PDE9A: variants seen among roughly 807,000 people sequenced by gnomAD.
PDE9A encodes phosphodiesterase 9A, also known as high affinity cGMP-specific 3',5'-cyclic phosphodiesterase 9A.
In PDE9A, 60 loss-of-function variants were observed where a neutral mutation model predicts 87.4. That is an observed-to-expected ratio of 0.69 (90% CI 0.56 to 0.85). The LOEUF (loss-of-function observed/expected upper bound fraction) is 0.85, where lower values mean the gene tolerates loss of function less well. Ranked by LOEUF, PDE9A falls within the 40% of genes least tolerant of loss-of-function variation. The pLI is 0.00. For synonymous variants in PDE9A, 272 were observed against 279.4 expected (o/e 0.97, Z 0.27); for missense variants, 665 against 779.0 (o/e 0.85, Z 1.74).
In PDE9A at chr21:42,759,475, TG is replaced by T. The variant is rs1159620558; in HGVS notation, c.897+395del. On this transcript the variant is annotated intron_variant, in intron 11 of 19. Transcript: ENST00000291539. The surrounding 1 kb of genome is among the most constrained non-coding windows in gnomAD (Gnocchi z 7.2). ...TGAGTGTGGGGTGTGGATGTGAGCATGGGGGTGTCTGCATGTGTTTGTGAGT... is the reference window on the plus strand; with the variant it reads ...TGAGTGTGGGGTGTGGATGTGAGCATGGGGTGTCTGCATGTGTTTGTGAGT... 7.0e-6 allele frequency among the ~76,000 whole-genome samples: 1 copy of T among 142,364 alleles called. No homozygotes were observed. Among genetic ancestry groups the T allele is most frequent in the Non-Finnish European group, 1.5e-5 (1 of 65,508 alleles). 93.4% of individuals were successfully genotyped at this position (142,364 alleles called of 152,430 possible).
intron 4 of PDE9A, among the ~76,000 whole-genome samples, chr21:42,699,551 T>C (rs2060328779): frequency 8.7e-6 from 1 of 114,672 alleles, no homozygotes; most frequent in Non-Finnish European, 1.8e-5. Flanking sequence ...CCTTTTTCTT[T>C]TTCTTTTTTT....
At chr21:42,728,218 A>G (rs973014025) in intron 4 of PDE9A, among the ~76,000 whole-genome samples, 3 of 152,228 alleles carry the variant, frequency 2.0e-5, no homozygotes, top group African/African-American at 7.2e-5. Context: ...TGCAAATACT[A>G]TACCATCTTA....
At chr21:42,670,076 T>C (rs1359042833) in intron 1 of PDE9A, among the ~76,000 whole-genome samples, 1 of 151,464 alleles carries the variant, frequency 6.6e-6, no homozygotes, top group Non-Finnish European at 1.5e-5. Flanking sequence ...CACACTCACA[T>C]ACTTACACAC....
At chr21:42,751,549 T>A (rs2054424781) in intron 9 of PDE9A, among the ~76,000 whole-genome samples, 1 of 152,228 alleles carries the variant, frequency 6.6e-6, no homozygotes, top group Non-Finnish European at 1.5e-5. Flanking sequence ...CATTGGCCCT[T>A]GTCTCTGAGC....
intron 1 of PDE9A, among the ~76,000 whole-genome samples, chr21:42,662,378 A>G (rs2057570218): frequency 6.6e-6 from 1 of 152,020 alleles, no homozygotes; most frequent in East Asian, 1.9e-4. Flanking sequence ...TCCTCACCGA[A>G]GGAAGGGGCA....
At chr21:42,724,557 A>C (rs2050846349) in intron 4 of PDE9A, 1 of 984,796 alleles carries the variant, frequency 1.0e-6, no homozygotes, top group Non-Finnish European at 1.2e-6. Flanking sequence ...TTCCCCCAGC[A>C]AAAGAATGCA....
chr21:42,775,043 G>A (rs2057385939), intron 19 of PDE9A, among the ~76,000 whole-genome samples: 1 of 149,168 alleles, frequency 6.7e-6, no homozygotes, highest in African/African-American at 2.5e-5. Flanking sequence ...CCGGGTTCAA[G>A]CAATTCTCCT....
intron 1 of PDE9A, among the ~76,000 whole-genome samples, chr21:42,683,340 C>A (rs1019105003): frequency 1.3e-5 from 2 of 152,234 alleles, no homozygotes; most frequent in African/African-American, 4.8e-5. Flanking sequence ...GTGCTTACTG[C>A]GGTCCTTTTC....
At chr21:42,755,934 C>A (rs1312502130) in intron 10 of PDE9A, among the ~76,000 whole-genome samples, 1 of 152,246 alleles carries the variant, frequency 6.6e-6, no homozygotes, top group African/African-American at 2.4e-5. Flanking sequence ...ACCAGGGAAC[C>A]CTTTGAGCAC....
intron 4 of PDE9A, among the ~76,000 whole-genome samples, chr21:42,730,799 T>C (rs1194728063): frequency 6.6e-6 from 1 of 152,250 alleles, no homozygotes; most frequent in Non-Finnish European, 1.5e-5. Context: ...GTTTTCTCTG[T>C]GTTAAATAAC....
intron 1 of PDE9A, among the ~76,000 whole-genome samples, chr21:42,669,961 A>G (rs1478371192): frequency 6.6e-6 from 1 of 152,166 alleles, no homozygotes; most frequent in Non-Finnish European, 1.5e-5. Context: ...ATCACCTTCA[A>G]GGTGTGCTTT....
intron 1 of PDE9A, among the ~76,000 whole-genome samples, chr21:42,668,511 G>A (rs1199209850): frequency 1.3e-5 from 2 of 152,224 alleles, no homozygotes; most frequent in African/African-American, 4.8e-5. Context: ...TGCCCCGTGA[G>A]AGTCCTGTGT....
chr21:42,754,909 C>A (rs937205340), intron 10 of PDE9A, among the ~76,000 whole-genome samples: 3 of 152,080 alleles, frequency 2.0e-5, no homozygotes, highest in African/African-American at 7.2e-5. Flanking sequence ...TCAGGTATGT[C>A]TTTATTAACA....
chr21:42,714,086 T>C (rs1044400085), intron 4 of PDE9A, among the ~76,000 whole-genome samples: 1 of 146,598 alleles, frequency 6.8e-6, no homozygotes, highest in African/African-American at 2.5e-5. Context: ...TGGTGCAATC[T>C]TGGCTCACTG....
intron 7 of PDE9A, among the ~76,000 whole-genome samples, chr21:42,742,750 C>T (rs1395817433): frequency 1.3e-5 from 2 of 152,110 alleles, no homozygotes; most frequent in Non-Finnish European, 2.9e-5. Context: ...CAGGCGTGAG[C>T]CACTGTGCCT....
chr21:42,686,297 C>T lies in PDE9A; in HGVS notation c.140+35C>T, dbSNP rs760848676. On this transcript the variant is annotated intron_variant, in intron 2 of 19. Coordinates refer to ENST00000291539, the MANE Select transcript of PDE9A (RefSeq NM_002606.3). Reference sequence around the variant, plus strand: ...CGCTGCGGGCTCTGCCCGGTGACGCCACGCGGCCTCCTCGCCTTTTCGGGA... The same window carrying T: ...CGCTGCGGGCTCTGCCCGGTGACGCTACGCGGCCTCCTCGCCTTTTCGGGA... 6 of 1,576,246 alleles carry T rather than the reference C, an allele frequency of 3.8e-6. No homozygotes were observed. The South Asian group carries it at 6.6e-5, about 17-fold the overall frequency.
At chr21:42,719,372 C>T (rs916781704) in intron 4 of PDE9A, among the ~76,000 whole-genome samples, 1 of 151,796 alleles carries the variant, frequency 6.6e-6, no homozygotes, top group Non-Finnish European at 1.5e-5. Context: ...CAGTGGCTCA[C>T]ACCTGACATC....
chr21:42,664,012 A>G (rs1601892574), intron 1 of PDE9A, among the ~76,000 whole-genome samples: 1 of 152,200 alleles, frequency 6.6e-6, no homozygotes, highest in East Asian at 1.9e-4. Flanking sequence ...ATGTGTCCTC[A>G]GACAATGGAT....
chr21:42,769,619 C>G (rs1474400602), intron 17 of PDE9A, among the ~76,000 whole-genome samples: 1 of 151,114 alleles, frequency 6.6e-6, no homozygotes, highest in Non-Finnish European at 1.5e-5. Context: ...CATGCAGGTA[C>G]ACATGCACAC....
Sources: allele counts gnomAD v4.1 joint callset (sites outside exome capture counted in the v4.1 genomes callset), GRCh38; gene constraint gnomAD v4.1.1; non-coding constraint Gnocchi (gnomAD v3.1); transcripts MANE v1.5; gene names NCBI Gene and HGNC (gene_info 2026-07-23, HGNC 2026-07-21).